Variants in BRCA2 observed in about 807,000 individuals in gnomAD.
BRCA2 encodes the protein breast cancer type 2 susceptibility protein.
A neutral mutation model predicts 276.7 loss-of-function variants in BRCA2; 203 were observed. The observed-to-expected ratio is 0.73, with a 90% confidence interval of 0.65 to 0.82. The LOEUF (loss-of-function observed/expected upper bound fraction) is 0.82. BRCA2 is among the 40% of genes least tolerant of loss of function. BRCA2 has a pLI of 0.00. For missense variants in BRCA2, 3,920 were observed against 3,915.0 expected (o/e 1.00, Z -0.03); for synonymous variants, 1,289 against 1,338.4 (o/e 0.96, Z 0.81).
rs786202224 is a variant in BRCA2 at position 32,340,121 on chromosome 13, T to G, written c.5766T>G (p.Ala1922=). 1 of 1,613,618 alleles carries G rather than the reference T, an allele frequency of 6.2e-7. No homozygotes were observed. The change falls in exon 11 of 27, where the codon GCT becomes GCG. Residue 1922 remains alanine (A), a synonymous_variant. Coordinates refer to ENST00000380152, the MANE Select transcript of BRCA2 (RefSeq NM_000059.4). ...ECSTHSHKVF[A]DIQSEEILQH... is the part of the protein sequence containing the mutation. ...GCACGCATTCACATAAGGTTTTTGC[T>G]GACATTCAGAGTGAAGAAATTTTAC...
rs2072293313 is a variant in BRCA2, at chr13:32,319,680, T to G, written c.316+355T>G. On this transcript the variant is annotated intron_variant, in intron 3 of 26. Coordinates refer to ENST00000380152, the MANE Select transcript of BRCA2 (RefSeq NM_000059.4). ...GCTATCACAGAGGACAGAGATTATT[T>G]TACCGATATACTATAAGTATCATGA... 2.6e-5 allele frequency among the ~76,000 whole-genome samples: 4 copies of G among 152,244 alleles called. No homozygotes were observed. The South Asian group carries it at 8.3e-4, about 31-fold the overall frequency.
rs786202617 is a variant in BRCA2, at chr13:32,336,390, A to T, written c.2035A>T (p.Asn679Tyr). 2 of 1,612,810 alleles carry T rather than the reference A, an allele frequency of 1.2e-6. No individual in the cohort carries two copies. The highest frequency in any genetic ancestry group is 8.5e-7 in the Non-Finnish European group (1 of 1,179,660). Residue 679 changes from asparagine (N) to tyrosine (Y), a missense_variant, in exon 11 of 27, where the codon AAT becomes TAT. Physicochemically the swap from Asn to Tyr is moderately radical, Grantham distance 143. Transcript: ENST00000380152. ...TTCTAGAAATGAAACATGTTCTAAT[A>T]ATACAGTAATCTCTCAGGATCTTGA... The part of the protein sequence containing the change: ...KCSRNETCSN[N>Y]TVISQDLDYK...
In BRCA2 at chr13:32,340,510, C is replaced by G. The variant is rs786202461; in HGVS notation, c.6155C>G (p.Ser2052Ter). 1 of 1,613,584 alleles carries G rather than the reference C, an allele frequency of 6.2e-7. No individual in the cohort carries two copies. Among genetic ancestry groups the G allele is most frequent in the Non-Finnish European group, 8.5e-7 (1 of 1,179,766 alleles). The change falls in exon 11 of 27, where the codon TCA becomes TGA. Residue 2052 changes from serine (S) to a stop codon, truncating the protein, a stop_gained. Coordinates refer to ENST00000380152, the MANE Select transcript of BRCA2 (RefSeq NM_000059.4). LOFTEE classifies it high-confidence loss of function. ...QKGFSYNVVN[S>*]SAFSGFSTAS... is the part of the protein sequence containing the mutation. ...GGCTTTTCATATAATGTGGTAAATT[C>G]ATCTGCTTTCTCTGGATTTAGTACA...
At chr13:32,318,336 C>T (rs1324741198) in intron 2 of BRCA2, among the ~76,000 whole-genome samples, 1 of 152,124 alleles carries the variant, frequency 6.6e-6, no homozygotes, top group East Asian at 1.9e-4. Flanking sequence ...GAGAGAATTC[C>T]CATTTTATGT....
chr13:32,386,775 C>A (rs532788209), intron 24 of BRCA2, among the ~76,000 whole-genome samples: 4 of 152,078 alleles, frequency 2.6e-5, no homozygotes, highest in Admixed American at 6.6e-5. Context: ...CAGTATGTAT[C>A]CCTGGAAGAT....
In BRCA2 at chr13:32,326,127, T is replaced by C. The variant is rs730881503; in HGVS notation, c.452T>C (p.Val151Ala). 3 of 1,609,954 alleles carry C rather than the reference T, an allele frequency of 1.9e-6. No individual in the cohort carries two copies. The East Asian group carries it at 6.7e-5, about 36-fold the overall frequency. ...CCTGTTGTTCTACAATGTACACATG[T>C]AACACCACAAAGAGATAAGTCAGGT... ...ESPVVLQCTH[V>A]TPQRDKSVVC... The change falls in exon 5 of 27, where the codon GTA (valine) becomes GCA (alanine). Residue 151 changes from valine to alanine, a missense_variant. Around this residue, in one of 2 missense-constraint regions of BRCA2, gnomAD observed 3,263 missense variants for 3,156.9 expected, o/e 1.03. Transcript: ENST00000380152.
chr13:32,388,963 C>T (rs1351536652), intron 24 of BRCA2, among the ~76,000 whole-genome samples: 1 of 152,094 alleles, frequency 6.6e-6, no homozygotes, highest in African/African-American at 2.4e-5. Flanking sequence ...TTTGTTTCTC[C>T]TGCTTTTCAT....
intron 18 of BRCA2, among the ~76,000 whole-genome samples, 186 bp downstream of exon 18, chr13:32,363,719 T>C (rs1161348382): frequency 6.6e-6 from 1 of 152,198 alleles, no homozygotes; most frequent in Non-Finnish European, 1.5e-5. Context: ...GGTCCAGAGA[T>C]CTTTCTTGAG....
chr13:32,396,729 C>A, intron 25 of BRCA2, 169 bp from the exon 26 acceptor site: 1 of 757,718 alleles, frequency 1.3e-6, no homozygotes, highest in Non-Finnish European at 2.2e-6. Flanking sequence ...ATCACTGATA[C>A]TGGTTTTGTA....
At position 32,398,372 on chromosome 13, in the gene BRCA2, T is replaced by C. The variant is rs2137664460; in HGVS notation, c.9859T>C (p.Cys3287Arg). ...LPLPPPVSPI[C>R]TFVSPAAQKA... ...TTTACCTCCACCTGTTAGTCCCATT[T>C]GTACATTTGTTTCTCCGGCTGCACA... Residue 3287 changes from cysteine (C) to arginine (R), a missense_variant, in exon 27 of 27, where the codon TGT becomes CGT. Transcript: ENST00000380152. The C allele has an allele frequency of 6.2e-7, 1 of 1,614,202 alleles. No homozygotes were observed. The highest frequency in any genetic ancestry group is 8.5e-7 in the Non-Finnish European group (1 of 1,180,026).
chr13:32,339,655 A>C lies in BRCA2; in HGVS notation c.5300A>C (p.Lys1767Thr), dbSNP rs1375943534. 1 of 1,612,684 alleles carries C rather than the reference A, an allele frequency of 6.2e-7. No individual in the cohort carries two copies. The highest frequency in any genetic ancestry group is 1.1e-5 in the South Asian group (1 of 90,954). The change falls in exon 11 of 27, where the codon AAA (lysine) becomes ACA (threonine). Residue 1767 changes from lysine to threonine, a missense_variant. Lys to Thr is a moderately conservative substitution (Grantham distance 78). This residue lies in a region of BRCA2 where 3,263 missense variants were observed against 3,156.9 expected (regional missense o/e 1.03). Transcript: ENST00000380152. ...YNDSGYLSKN[K>T]LDSGIEPVLK... ...GATTCAGGATATCTCTCAAAAAATA[A>C]ACTTGATTCTGGTATTGAGCCAGTA...
rs1566233950 is a variant in BRCA2, at chr13:32,340,472, A to C, written c.6117A>C (p.Leu2039Phe). Residue 2039 changes from leucine (L) to phenylalanine (F), a missense_variant, in exon 11 of 27, where the codon TTA becomes TTC. Physicochemically the swap from Leu to Phe is conservative, Grantham distance 22 (BLOSUM62 0). Around this residue, in one of 2 missense-constraint regions of BRCA2, gnomAD observed 3,263 missense variants for 3,156.9 expected, o/e 1.03. Coordinates refer to ENST00000380152, the MANE Select transcript of BRCA2 (RefSeq NM_000059.4). ...ENTAIRTPEH[L>F]ISQKGFSYNV... The stretch of plus-strand genomic sequence containing the variant: ...CTGCTATACGTACTCCAGAACATTT[A>C]ATATCCCAAAAAGGCTTTTCATATA... The C allele has an allele frequency of 4.3e-6, 7 of 1,613,634 alleles. No homozygotes were observed. In the East Asian group the frequency reaches 6.7e-5, roughly 15 times the overall value.
chr13:32,354,861 C>T lies in BRCA2; in HGVS notation c.7008C>T (p.Arg2336=), dbSNP rs1555285975. Residue 2336 remains arginine, a splice_region_variant and synonymous_variant, in exon 14 of 27, where the codon CGC becomes CGT. Coordinates refer to ENST00000380152, the MANE Select transcript of BRCA2 (RefSeq NM_000059.4). The stretch of plus-strand genomic sequence containing the variant: ...CTTATATATTTTCTCCCCATTGCAG[C>T]ACAACTAAGGAACGTCAAGAGATAC... ...SLEPITCVPF[R]TTKERQEIQN... The T allele has an allele frequency of 1.9e-6, 3 of 1,561,608 alleles. No homozygotes were observed. The highest frequency in any genetic ancestry group is 2.6e-6 in the Non-Finnish European group (3 of 1,132,380).
At position 32,338,179 on chromosome 13, in the gene BRCA2, T is replaced by C. The variant is rs80358625; in HGVS notation, c.3824T>C (p.Ile1275Thr). The C allele has an allele frequency of 1.2e-5, 19 of 1,570,796 alleles. No individual in the cohort carries two copies. Among genetic ancestry groups the C allele is most frequent in the Non-Finnish European group, 1.6e-5 (18 of 1,157,900 alleles). ...GATTCTGTTGTTTCAATGTTTAAGA[T>C]AGAAAATCATAATGATAAAACTGTA... ...CHDSVVSMFK[I>T]ENHNDKTVSE... Residue 1275 changes from isoleucine (I) to threonine (T), a missense_variant, in exon 11 of 27, where the codon ATA (isoleucine) becomes ACA (threonine). This residue lies in a region of BRCA2 where 3,263 missense variants were observed against 3,156.9 expected (regional missense o/e 1.03). Coordinates refer to ENST00000380152, the MANE Select transcript of BRCA2 (RefSeq NM_000059.4).
rs779878000 is a variant in BRCA2 at position 32,339,927 on chromosome 13, A to G, written c.5572A>G (p.Thr1858Ala). 1 of 1,607,020 alleles carries G rather than the reference A, an allele frequency of 6.2e-7. No individual in the cohort carries two copies. The highest frequency in any genetic ancestry group is 8.5e-7 in the Non-Finnish European group (1 of 1,176,532). Reference protein sequence around the residue: ...SGKIVCVSHETIKKVKDIFTD... With the variant: ...SGKIVCVSHEAIKKVKDIFTD... Reference sequence around the variant, plus strand: ...TAAAATCGTTTGTGTTTCACATGAAACAATTAAAAAAGTGAAAGACATATT... The same window carrying G: ...TAAAATCGTTTGTGTTTCACATGAAGCAATTAAAAAAGTGAAAGACATATT... The change falls in exon 11 of 27, where the codon ACA (threonine) becomes GCA (alanine). Residue 1858 changes from threonine to alanine, a missense_variant. Transcript: ENST00000380152.
intron 12 of BRCA2, among the ~76,000 whole-genome samples, chr13:32,346,339 A>T (rs2072610520): frequency 6.6e-6 from 1 of 151,974 alleles, no homozygotes. Flanking sequence ...CTCCTTAATG[A>T]GTATATAGAG....
At chr13:32,360,504 C>T (rs1009526746) in intron 16 of BRCA2, among the ~76,000 whole-genome samples, 9 of 152,006 alleles carry the variant, frequency 5.9e-5, no homozygotes, top group Non-Finnish European at 7.4e-5. Context: ...GGACTACAGG[C>T]GCGCACCACC....
At chr13:32,382,754 A>G (rs959505881) in intron 24 of BRCA2, among the ~76,000 whole-genome samples, 30 of 152,238 alleles carry the variant, frequency 2.0e-4, no homozygotes, top group Non-Finnish European at 3.4e-4. Context: ...TGCTAATAGC[A>G]TACTGATGAG....
chr13:32,351,022 C>G (rs1448833141), intron 13 of BRCA2, among the ~76,000 whole-genome samples: 2 of 152,118 alleles, frequency 1.3e-5, no homozygotes, highest in Non-Finnish European at 2.9e-5. Context: ...TGTAAATGCA[C>G]CAATCAGCAC....
Sources: gnomAD v4.1 joint callset for allele counts (sites outside exome capture counted in the v4.1 genomes callset) on GRCh38, gnomAD v4.1.1 for gene constraint, gnomAD v4.1.1 regional missense constraint, MANE v1.5 for transcripts, NCBI Gene and HGNC (gene_info 2026-07-23, HGNC 2026-07-21) for gene names.